KIF13B: variants seen among roughly 807,000 people sequenced by gnomAD.
KIF13B encodes kinesin family member 13B, also known as kinesin-like protein KIF13B.
In KIF13B, 127 loss-of-function variants were observed where a neutral mutation model predicts 222.0. The ratio of observed to expected loss-of-function variants is 0.57; its 90% CI spans 0.50 to 0.66. The LOEUF (loss-of-function observed/expected upper bound fraction) is 0.66, where lower values mean the gene tolerates loss of function less well. KIF13B is among the 30% of genes least tolerant of loss of function. KIF13B has a pLI of 0.00. For missense variants in KIF13B, 2,173 were observed against 2,379.0 expected (o/e 0.91, Z 1.80); for synonymous variants, 976 against 919.0 (o/e 1.06, Z -1.12).
chr8:29,079,362 G>A (rs556301912), intron 37 of KIF13B, among the ~76,000 whole-genome samples: 2 of 152,310 alleles, frequency 1.3e-5, no homozygotes, highest in East Asian at 1.9e-4. Flanking sequence ...CACACATGAC[G>A]GTATCTACAT....
In KIF13B at chr8:29,191,187, T is replaced by C. The variant is rs148566330; in HGVS notation, c.163-130A>G. ...ATACAATGGGAATTAATTATGTATG[T>C]AGAGGCTTACAATGAGAACTAAACA... is the stretch of plus-strand genomic sequence containing the variant. On this transcript the variant is annotated intron_variant, in intron 3 of 39. Transcript: ENST00000524189. 565 of 669,490 alleles carry C rather than the reference T, an allele frequency of 8.4e-4. 7 individuals are homozygous for C. In the African/African-American group the frequency reaches 8.7e-3, roughly 10 times the overall value. 41.5% of individuals were successfully genotyped at this position (669,490 alleles called of 1,614,324 possible).
At chr8:29,079,411 A>C (rs1476212852) in intron 37 of KIF13B, among the ~76,000 whole-genome samples, 3 of 152,234 alleles carry the variant, frequency 2.0e-5, no homozygotes, top group Non-Finnish European at 4.4e-5. Context: ...TGTGGCTCTA[A>C]ACAGGCTTCT....
In KIF13B at chr8:29,072,002, CGG is replaced by C; in HGVS notation, c.4834_4835del (p.Pro1612AlafsTer78). On this transcript the variant is annotated frameshift_variant, in exon 39 of 40. Transcript: ENST00000524189. LOFTEE classifies it high-confidence loss of function. ...EPEAPISHPPPPTAVPAEEPP... is the reference protein window; with the variant it reads ...EPEAPISHPPXPTAVPAEEPP... ...GCTCCTCGGCGGGGACGGCCGTGGG[CGG>C]TGGGGGGTGGCTGATGGGCGCCTCG... 7.7e-7 allele frequency: 1 copy of C among 1,291,238 alleles called. No individual in the cohort carries two copies. Among genetic ancestry groups the C allele is most frequent in the South Asian group, 2.3e-5 (1 of 43,030 alleles). 80.0% of individuals were successfully genotyped at this position (1,291,238 alleles called of 1,614,324 possible). A position where few individuals can be genotyped will look rare whatever the true frequency, so the allele number is the denominator to read the frequency against.
intron 37 of KIF13B, among the ~76,000 whole-genome samples, chr8:29,092,430 C>A (rs1808342282): frequency 6.6e-6 from 1 of 152,246 alleles, no homozygotes. Context: ...ACATTTTCTA[C>A]TTGGCAATAC....
At position 29,142,304 on chromosome 8, in the gene KIF13B, C is replaced by T; in HGVS notation, c.2188-1G>A. 6.2e-7 allele frequency: 1 copy of T among 1,610,112 alleles called. No homozygotes were observed. Among genetic ancestry groups the T allele is most frequent in the Non-Finnish European group, 8.5e-7 (1 of 1,177,974 alleles). Reference sequence around the variant, plus strand: ...CAGGCTCACTAAGAAGAGAGCCTCGCTGCAAAGAGAGTAAGAATGACCGTG... The same window carrying T: ...CAGGCTCACTAAGAAGAGAGCCTCGTTGCAAAGAGAGTAAGAATGACCGTG... On this transcript the variant is annotated splice_acceptor_variant, in intron 18 of 39. Coordinates refer to ENST00000524189, the MANE Select transcript of KIF13B (RefSeq NM_015254.4). LOFTEE classifies it high-confidence loss of function.
intron 37 of KIF13B, among the ~76,000 whole-genome samples, chr8:29,088,833 G>A (rs1362990862): frequency 6.6e-6 from 1 of 152,222 alleles, no homozygotes; most frequent in Non-Finnish European, 1.5e-5. Flanking sequence ...GTACCCTGAA[G>A]TGTGACCCAA....
intron 21 of KIF13B, among the ~76,000 whole-genome samples, chr8:29,138,946 A>G (rs764144415): frequency 2.6e-5 from 4 of 152,184 alleles, no homozygotes; most frequent in Non-Finnish European, 4.4e-5. Flanking sequence ...TTTGGCAATT[A>G]TGGTTATATT....
chr8:29,246,729 C>T (rs1350920276), intron 1 of KIF13B, among the ~76,000 whole-genome samples: 5 of 152,154 alleles, frequency 3.3e-5, no homozygotes, highest in Non-Finnish European at 5.9e-5. Flanking sequence ...CAAGTCAGTG[C>T]AGTACTTACA....
chr8:29,146,384 G>C lies in KIF13B; in HGVS notation c.2181C>G (p.Asn727Lys). 1 of 1,613,906 alleles carries C rather than the reference G, an allele frequency of 6.2e-7. No individual in the cohort carries two copies. The highest frequency in any genetic ancestry group is 8.5e-7 in the Non-Finnish European group (1 of 1,179,852). Residue 727 changes from asparagine to lysine, a missense_variant, in exon 18 of 40, where the codon AAC becomes AAG. This residue lies in a region of KIF13B where 1,480 missense variants were observed against 1,722.8 expected (regional missense o/e 0.86). Coordinates refer to ENST00000524189, the MANE Select transcript of KIF13B (RefSeq NM_015254.4). ...LQIPASSLDA[N>K]RKRGSLLSEP... The stretch of plus-strand genomic sequence containing the variant: ...CAAGGAACGGCAACCTCACCTTCCT[G>C]TTGGCATCCAGGCTGGAGGCTGGAA...
rs1055703529 is a variant in KIF13B, at chr8:29,092,661, G to A, written c.4458+84C>T. The A allele has an allele frequency of 3.7e-5, 53 of 1,416,188 alleles. No homozygotes were observed. The South Asian group carries it at 4.9e-4, about 13-fold the overall frequency. The allele number at this position is 1,416,188 out of a possible 1,614,324, so 87.7% of individuals were successfully genotyped here. A position where few individuals can be genotyped will look rare whatever the true frequency, so the allele number is the denominator to read the frequency against. Reference sequence around the variant, plus strand: ...CCAGTTTAGCCCCAACCCAGAGGCCGCACCTCCACCTCCAGCTTTGGCGCA... The same window carrying A: ...CCAGTTTAGCCCCAACCCAGAGGCCACACCTCCACCTCCAGCTTTGGCGCA... On this transcript the variant is annotated intron_variant, in intron 37 of 39. Coordinates refer to ENST00000524189, the MANE Select transcript of KIF13B (RefSeq NM_015254.4).
chr8:29,092,019 T>C (rs942752010), intron 37 of KIF13B, among the ~76,000 whole-genome samples: 2 of 152,398 alleles, frequency 1.3e-5, no homozygotes, highest in East Asian at 1.9e-4. Flanking sequence ...GCAACTTGAA[T>C]GTTTAGAAGA....
chr8:29,120,105 TA>T (rs1809787079), intron 29 of KIF13B, among the ~76,000 whole-genome samples: 1 of 151,926 alleles, frequency 6.6e-6, no homozygotes. Context: ...AGAGTATATG[TA>T]AAACGTATCC....
intron 37 of KIF13B, among the ~76,000 whole-genome samples, chr8:29,080,909 C>T (rs557736041): frequency 1.3e-5 from 2 of 152,292 alleles, no homozygotes; most frequent in South Asian, 2.1e-4. Context: ...TACCCGCACT[C>T]GAATAGCGTC....
At chr8:29,096,617 G>A (rs1388254857) in intron 36 of KIF13B, among the ~76,000 whole-genome samples, 2 of 151,950 alleles carry the variant, frequency 1.3e-5, no homozygotes, top group Non-Finnish European at 2.9e-5. Flanking sequence ...AAAGAATAAC[G>A]TCATAAAGTG....
intron 1 of KIF13B, among the ~76,000 whole-genome samples, chr8:29,261,451 T>C (rs1302141807): frequency 6.6e-6 from 1 of 152,222 alleles, no homozygotes; most frequent in Non-Finnish European, 1.5e-5. Context: ...CACTGACATT[T>C]CCAAGTTTTT....
intron 2 of KIF13B, among the ~76,000 whole-genome samples, chr8:29,212,802 T>C (rs1221721577): frequency 6.7e-6 from 1 of 149,956 alleles, no homozygotes; most frequent in African/African-American, 2.5e-5. Flanking sequence ...TTAATTTATT[T>C]TGGGAAATTG....
At chr8:29,171,462 G>A (rs1812234334) in intron 10 of KIF13B, among the ~76,000 whole-genome samples, 1 of 152,076 alleles carries the variant, frequency 6.6e-6, no homozygotes, top group African/African-American at 2.4e-5. Flanking sequence ...AAATGTTATA[G>A]AAGATGGGCA....
At chr8:29,259,283 G>C (rs1816598553) in intron 1 of KIF13B, among the ~76,000 whole-genome samples, 1 of 151,662 alleles carries the variant, frequency 6.6e-6, no homozygotes, top group African/African-American at 2.4e-5. Flanking sequence ...ATCAAGTATT[G>C]GAAAATGCCA....
In KIF13B at chr8:29,091,173, C is replaced by G. The variant is rs985693425; in HGVS notation, c.4458+1572G>C. Among the ~76,000 whole-genome samples the G allele has an allele frequency of 1.2e-4, 18 of 152,226 alleles. No homozygotes were observed. The East Asian group carries it at 3.5e-3, about 29-fold the overall frequency. On this transcript the variant is annotated intron_variant, in intron 37 of 39. Coordinates refer to ENST00000524189, the MANE Select transcript of KIF13B (RefSeq NM_015254.4). ...CTATATATTTCAAGGTAACCTCTAA[C>G]CTGGGCATTATAGTTATTCTCCAAT...
Sources: allele counts gnomAD v4.1 joint callset (sites outside exome capture counted in the v4.1 genomes callset), GRCh38; gene constraint gnomAD v4.1.1; regional missense constraint gnomAD v4.1.1; transcripts MANE v1.5; gene names NCBI Gene and HGNC (gene_info 2026-07-23, HGNC 2026-07-21).